Variants in RGS20 observed in about 807,000 individuals in gnomAD.
The protein encoded by RGS20 is gz-selective GTPase-activating protein.
A neutral mutation model predicts 33.6 loss-of-function variants in RGS20; 30 were observed. The observed-to-expected ratio is 0.89, with a 90% CI of 0.67 to 1.21. The LOEUF (loss-of-function observed/expected upper bound fraction) is 1.21. RGS20 is among the 50% of genes most tolerant of loss of function. The pLI is 0.00. For synonymous variants in RGS20, 208 were observed against 197.9 expected, an observed-to-expected ratio of 1.05 and a Z score of -0.43; for missense variants, 472 against 502.4, an observed-to-expected ratio of 0.94 and a Z score of 0.58.
chr8:53,946,691 A>G lies in RGS20; in HGVS notation c.686A>G (p.Gln229Arg). 6.2e-7 allele frequency: 1 copy of G among 1,613,114 alleles called. No homozygotes were observed. The highest frequency in any genetic ancestry group is 8.5e-7 in the Non-Finnish European group (1 of 1,179,516). ...CTCACTGTTAGAAACCAGGAAGATC[A>G]GAGGCCCACAATAGCTTCCCACGAA... is the stretch of plus-strand genomic sequence containing the variant. The change falls in exon 4 of 6, where the codon CAG becomes CGG. Residue 229 changes from glutamine to arginine, a missense_variant. Gln to Arg is a conservative substitution (Grantham distance 43). Around this residue, in one of 3 missense-constraint regions of RGS20, gnomAD observed 319 missense variants for 283.4 expected, o/e 1.13. Coordinates refer to ENST00000297313, the MANE Select transcript of RGS20 (RefSeq NM_170587.4).
chr8:53,909,575 G>A (rs961728949), intron 2 of RGS20, among the ~76,000 whole-genome samples: 5 of 151,888 alleles, frequency 3.3e-5, no homozygotes, highest in Non-Finnish European at 2.9e-5. Flanking sequence ...TTTTTTTAAA[G>A]GCTGTTATTA....
chr8:53,946,545 C>A, intron 3 of RGS20, 120 bp from the exon 3 acceptor site: 1 of 871,976 alleles, frequency 1.1e-6, no homozygotes, highest in Non-Finnish European at 1.9e-6. Flanking sequence ...TTTTTTTTTC[C>A]AAGTAGAGGA....
intron 2 of RGS20, chr8:53,880,362 G>A (rs1812327768): frequency 6.5e-6 from 1 of 152,968 alleles, no homozygotes; most frequent in Admixed American, 6.5e-5. Flanking sequence ...AGGGGGCGAG[G>A]GCCGCTTTCC....
intron 2 of RGS20, among the ~76,000 whole-genome samples, chr8:53,928,498 TAAC>T (rs1813863834): frequency 1.3e-5 from 2 of 152,326 alleles, no homozygotes; most frequent in South Asian, 4.1e-4. Context: ...ACAGTCTTAA[TAAC>T]AGTCTCTTCT....
intron 2 of RGS20, among the ~76,000 whole-genome samples, chr8:53,922,055 G>A (rs1254780584): frequency 1.3e-5 from 2 of 152,000 alleles, no homozygotes; most frequent in Non-Finnish European, 1.5e-5. Flanking sequence ...TCATATGCTT[G>A]TTGATCTTCT....
chr8:53,857,413 T>C (rs1439662694), intron 1 of RGS20, among the ~76,000 whole-genome samples: 1 of 152,308 alleles, frequency 6.6e-6, no homozygotes, highest in East Asian at 1.9e-4. Context: ...GGGTATGCTC[T>C]TTGGGAAAGT....
intron 3 of RGS20, among the ~76,000 whole-genome samples, chr8:53,940,359 TGGG>T (rs1814254091): frequency 6.6e-6 from 1 of 152,334 alleles, no homozygotes; most frequent in East Asian, 1.9e-4. Context: ...CTAAAAATCA[TGGG>T]AACTTTAGGT....
intron 2 of RGS20, among the ~76,000 whole-genome samples, chr8:53,886,686 C>T (rs1396013282): frequency 6.6e-6 from 1 of 152,192 alleles, no homozygotes; most frequent in Non-Finnish European, 1.5e-5. Context: ...GAGTGGAGAA[C>T]GCCCTGCTAT....
rs755042420 is a variant in RGS20, at chr8:53,879,390, A to C, written c.298A>C (p.Arg100=). The stretch of plus-strand genomic sequence containing the variant: ...GCGACCCCCTCCCGAGGCTCCCCGG[A>C]GGCGCCTGGACTTCTCCCCCCTGCT... The change falls in exon 2 of 6, where the codon AGG becomes CGG. Residue 100 remains arginine, a synonymous_variant. Transcript: ENST00000297313. The C allele has an allele frequency of 6.2e-7, 1 of 1,610,710 alleles. No individual in the cohort carries two copies. The highest frequency in any genetic ancestry group is 8.5e-7 in the Non-Finnish European group (1 of 1,179,564).
chr8:53,920,392 T>G (rs1327276198), intron 2 of RGS20, among the ~76,000 whole-genome samples: 1 of 152,232 alleles, frequency 6.6e-6, no homozygotes, highest in Non-Finnish European at 1.5e-5. Context: ...CTGAACTCAT[T>G]TATTAGTTCT....
chr8:53,946,527 T>G (rs1366623977), intron 3 of RGS20, 138 bp from the exon 3 acceptor site: 1 of 790,892 alleles, frequency 1.3e-6, no homozygotes, highest in Non-Finnish European at 2.2e-6. Flanking sequence ...GAAAACTAAC[T>G]GGGGTCATTT....
At chr8:53,939,760 ACT>A in intron 3 of RGS20, 36 bp downstream of exon 2, 1 of 1,533,866 alleles carries the variant, frequency 6.5e-7, no homozygotes, top group African/African-American at 1.4e-5. Flanking sequence ...TGTGCTCCTG[ACT>A]GGGAAGTGTA....
intron 4 of RGS20, among the ~76,000 whole-genome samples, chr8:53,947,623 T>G (rs1253548581): frequency 9.0e-6 from 1 of 110,724 alleles, no homozygotes; most frequent in Non-Finnish European, 1.8e-5. Context: ...CATTTATATA[T>G]GCTATATATA....
chr8:53,947,430 T>A lies in RGS20; in HGVS notation c.743+682T>A, dbSNP rs552172752. 9.6e-4 allele frequency among the ~76,000 whole-genome samples: 131 copies of A among 136,802 alleles called. 1 individual carries two copies. Among genetic ancestry groups the A allele is most frequent in the African/African-American group, 2.6e-3 (95 of 36,820 alleles). The allele number at this position is 136,802 out of a possible 152,430, so 89.7% of individuals were successfully genotyped here. A position where few individuals can be genotyped will look rare whatever the true frequency, so the allele number is the denominator to read the frequency against. On this transcript the variant is annotated intron_variant, in intron 4 of 5. Coordinates refer to ENST00000297313, the MANE Select transcript of RGS20 (RefSeq NM_170587.4). ...ATAGTACATTTATATATGCTATATA[T>A]GATATAGTATATACATTTATATATG...
chr8:53,941,527 A>G (rs925727906), intron 3 of RGS20, among the ~76,000 whole-genome samples: 1 of 152,234 alleles, frequency 6.6e-6, no homozygotes, highest in African/African-American at 2.4e-5. Flanking sequence ...GTGGCAATGA[A>G]TTTTGTGTTA....
chr8:53,869,078 G>A (rs1585868300), intron 1 of RGS20, among the ~76,000 whole-genome samples: 2 of 152,034 alleles, frequency 1.3e-5, no homozygotes, highest in African/African-American at 4.8e-5. Flanking sequence ...ATAGAGCTGG[G>A]GATCCCAGAA....
At chr8:53,934,110 A>C (rs1248888426) in intron 2 of RGS20, among the ~76,000 whole-genome samples, 1 of 152,156 alleles carries the variant, frequency 6.6e-6, no homozygotes, top group African/African-American at 2.4e-5. Context: ...TGAAGGACGT[A>C]CTACACACGG....
intron 2 of RGS20, among the ~76,000 whole-genome samples, chr8:53,906,998 G>A (rs1478286501): frequency 6.6e-6 from 1 of 152,180 alleles, no homozygotes; most frequent in Non-Finnish European, 1.5e-5. Flanking sequence ...CCCAGACATA[G>A]CTCTCTGGCT....
chr8:53,897,580 T>C (rs1280593724), intron 2 of RGS20, among the ~76,000 whole-genome samples: 1 of 152,248 alleles, frequency 6.6e-6, no homozygotes, highest in Non-Finnish European at 1.5e-5. Context: ...CAGTAAGCAA[T>C]TCACATCATC....
Sources: allele counts gnomAD v4.1 joint callset (sites outside exome capture counted in the v4.1 genomes callset), GRCh38; gene constraint gnomAD v4.1.1; regional missense constraint gnomAD v4.1.1; transcripts MANE v1.5; gene names NCBI Gene and HGNC (gene_info 2026-07-23, HGNC 2026-07-21).